The following RNF213 variants were observed in gnomAD, a reference collection of about 807,000 sequenced individuals.
The protein encoded by RNF213 is E3 ubiquitin-protein ligase RNF213.
A neutral mutation model predicts 514.4 loss-of-function variants in RNF213; 341 were observed. That is an observed-to-expected ratio of 0.66 (90% CI 0.61 to 0.73). The LOEUF (loss-of-function observed/expected upper bound fraction) is 0.73. Among genes scored for constraint, RNF213 ranks in the 30% least tolerant of loss-of-function variants. The probability of loss-of-function intolerance (pLI) is 0.00; values close to 1 mark genes in which losing one functional copy is unlikely to be tolerated. For synonymous variants in RNF213, 2,655 were observed against 2,658.2 expected (o/e 1.00, Z 0.04); for missense variants, 5,767 against 6,615.6 (o/e 0.87, Z 4.45).
intron 3 of RNF213, among the ~76,000 whole-genome samples, chr17:80,285,317 G>C (rs777765881): frequency 8.5e-5 from 13 of 152,228 alleles, no homozygotes; most frequent in Admixed American, 2.0e-4. Context: ...GGGTGAGCTG[G>C]ATGGGAACTC....
Position 80,351,732 on chromosome 17 carries a change from G to T in RNF213, c.10232G>T (p.Arg3411Leu), listed in dbSNP as rs926431558. ...AACAAAATACGAGAAAATGAGGACC[G>T]TATCTTCGTCTATTTCATCACAAAA... ...EINKIRENED[R>L]IFVYFITKLS... Residue 3411 changes from arginine to leucine, a missense_variant, in exon 32 of 68, where the codon CGT (arginine) becomes CTT (leucine). Coordinates refer to ENST00000582970, the MANE Select transcript of RNF213 (RefSeq NM_001256071.3). The T allele has an allele frequency of 1.2e-6, 2 of 1,611,960 alleles. No individual in the cohort carries two copies. Among genetic ancestry groups the T allele is most frequent in the African/African-American group, 1.3e-5 (1 of 74,920 alleles).
intron 2 of RNF213, among the ~76,000 whole-genome samples, chr17:80,270,718 T>C (rs2043793192): frequency 6.6e-6 from 1 of 152,160 alleles, no homozygotes; most frequent in Non-Finnish European, 1.5e-5. Context: ...CTTATGATTG[T>C]TGGGACTGTT....
At chr17:80,309,307 C>G (rs1029563572) in intron 14 of RNF213, 136 bp downstream of exon 14, 9 of 1,035,238 alleles carry the variant, frequency 8.7e-6, no homozygotes, top group Non-Finnish European at 8.8e-6. Flanking sequence ...GTGGACATTT[C>G]TTGTGCACCT....
At position 80,385,637 on chromosome 17, in the gene RNF213, C is replaced by T. The variant is rs1158328224; in HGVS notation, c.14539+16C>T. 6.2e-7 allele frequency: 1 copy of T among 1,608,758 alleles called. No homozygotes were observed. ...GAGACGAACGGTTAGTATCCTGTCCCCTGTACCACTAAGCGTTCCAGGAGA... is the reference window on the plus strand; with the variant it reads ...GAGACGAACGGTTAGTATCCTGTCCTCTGTACCACTAAGCGTTCCAGGAGA... On this transcript the variant is annotated intron_variant, in intron 61 of 67. Transcript: ENST00000582970.
chr17:80,353,256 C>T lies in RNF213; in HGVS notation c.10423+197C>T. On this transcript the variant is annotated intron_variant, in intron 33 of 67. Transcript: ENST00000582970. This position sits in a 1 kb window ranked among gnomAD's most constrained non-coding sequence, Gnocchi z 5.0. ...GCCGAGCAGGTGCGCTTACCACAGGCTGAGGTAGAGCTCTGTGAGCAGGCC... is the reference window on the plus strand; with the variant it reads ...GCCGAGCAGGTGCGCTTACCACAGGTTGAGGTAGAGCTCTGTGAGCAGGCC... 1 of 823,690 alleles carries T rather than the reference C, an allele frequency of 1.2e-6. No homozygotes were observed. Among genetic ancestry groups the T allele is most frequent in the African/African-American group, 1.7e-5 (1 of 59,576 alleles). The allele number at this position is 823,690 out of a possible 1,614,324, so 51.0% of individuals were successfully genotyped here. A position where few individuals can be genotyped will look rare whatever the true frequency, so the allele number is the denominator to read the frequency against.
rs1001891567 is a variant in RNF213 at position 80,342,175 on chromosome 17, G to A, written c.5990-957G>A. ...ATGTAGGATGCCCCCATGCTGTCAC[G>A]GCTTGCAGCCCAGGGGCAATGGGCT... On this transcript the variant is annotated intron_variant, in intron 26 of 67. Transcript: ENST00000582970. The A allele has an allele frequency of 2.0e-5, 3 of 152,272 alleles. No homozygotes were observed. In the East Asian group the frequency reaches 5.8e-4, roughly 29 times the overall value. 9.4% of individuals were successfully genotyped at this position (152,272 alleles called of 1,614,324 possible). A position where few individuals can be genotyped will look rare whatever the true frequency, so the allele number is the denominator to read the frequency against.
chr17:80,339,062 G>A, intron 25 of RNF213, 139 bp from the exon 26 acceptor site: 2 of 528,360 alleles, frequency 3.8e-6, no homozygotes, highest in Non-Finnish European at 6.4e-6. Context: ...GATGAGGAGG[G>A]AGGCCTTGTG....
intron 3 of RNF213, among the ~76,000 whole-genome samples, chr17:80,275,089 T>G (rs1598896668): frequency 1.0e-4 from 10 of 98,462 alleles, no homozygotes; most frequent in East Asian, 3.3e-4. Context: ...TGGGGTGTGT[T>G]GGGTGTGTGT....
chr17:80,323,037 C>T (rs948462948), intron 17 of RNF213, among the ~76,000 whole-genome samples: 3 of 152,024 alleles, frequency 2.0e-5, no homozygotes, highest in Non-Finnish European at 2.9e-5. Flanking sequence ...GCCTTTGATC[C>T]ATTTTGAGTT....
intron 11 of RNF213, among the ~76,000 whole-genome samples, chr17:80,300,942 A>G (rs576681710): frequency 6.6e-6 from 1 of 152,266 alleles, no homozygotes; most frequent in Non-Finnish European, 1.5e-5. Context: ...TCTTCTTGTG[A>G]AAAGTGTCTG....
rs116672724 is a variant in RNF213 at position 80,291,885 on chromosome 17, C to T, written c.1471+58C>T. The T allele has an allele frequency of 9.2e-4, 1,443 of 1,573,160 alleles. 13 individuals carry two copies. The African/African-American group carries it at 0.016, about 18-fold the overall frequency. On this transcript the variant is annotated intron_variant, in intron 8 of 67. Coordinates refer to ENST00000582970, the MANE Select transcript of RNF213 (RefSeq NM_001256071.3). ...CTCCGGAGTGCAGGTGCCAATCCCG[C>T]GGTACTGGACGCGTCTCTCTGGAGA...
chr17:80,345,069 G>A lies in RNF213; in HGVS notation c.6734G>A (p.Arg2245Lys), dbSNP rs1479196865. The change falls in exon 29 of 68, where the codon AGG becomes AAG. Residue 2245 changes from arginine to lysine, a missense_variant. Around this residue, in one of 13 missense-constraint regions of RNF213, gnomAD observed 1,377 missense variants for 1,635.2 expected, o/e 0.84. Coordinates refer to ENST00000582970, the MANE Select transcript of RNF213 (RefSeq NM_001256071.3). This position sits in a 1 kb window ranked among gnomAD's most constrained non-coding sequence, Gnocchi z 6.0. ...CCGAGTTTTATTGGCGACACACTGAGGGGCTTCAAGAAGTTCGTGGTGACC... is the reference window on the plus strand; with the variant it reads ...CCGAGTTTTATTGGCGACACACTGAAGGGCTTCAAGAAGTTCGTGGTGACC... ...CNPSFIGDTL[R>K]GFKKFVVTFM... 4 of 1,613,996 alleles carry A rather than the reference G, an allele frequency of 2.5e-6. No homozygotes were observed. Among genetic ancestry groups the A allele is most frequent in the Admixed American group, 3.3e-5 (2 of 59,986 alleles).
At chr17:80,276,477 A>G (rs1245578652) in intron 3 of RNF213, among the ~76,000 whole-genome samples, 1 of 152,100 alleles carries the variant, frequency 6.6e-6, no homozygotes, top group Non-Finnish European at 1.5e-5. Context: ...TGTAGAGTTG[A>G]CACAGAAGAT....
Position 80,317,166 on chromosome 17 carries a change from G to T in RNF213, c.2812-22G>T. On this transcript the variant is annotated intron_variant, in intron 15 of 67. Transcript: ENST00000582970. The surrounding 1 kb of genome is among the most constrained non-coding windows in gnomAD (Gnocchi z 4.1). Reference sequence around the variant, plus strand: ...GGCATTTAGTCGTGAGAGTGGGTGTGACCTGTGTGCGGGTTTTGCAGGTCT... The same window carrying T: ...GGCATTTAGTCGTGAGAGTGGGTGTTACCTGTGTGCGGGTTTTGCAGGTCT... The T allele has an allele frequency of 6.2e-7, 1 of 1,607,932 alleles. No homozygotes were observed. The highest frequency in any genetic ancestry group is 1.1e-5 in the South Asian group (1 of 89,140).
In RNF213 at chr17:80,288,197, G is replaced by A. The variant is rs752840165; in HGVS notation, c.644G>A (p.Gly215Asp). The A allele has an allele frequency of 1.9e-5, 31 of 1,612,756 alleles. No individual in the cohort carries two copies. The South Asian group carries it at 3.0e-4, about 15-fold the overall frequency. Residue 215 changes from glycine (G) to aspartate (D), a missense_variant, in exon 4 of 68, where the codon GGC becomes GAC. By Grantham distance (94) the Gly-to-Asp change is moderately conservative. Transcript: ENST00000582970. The surrounding 1 kb of genome is among the most constrained non-coding windows in gnomAD (Gnocchi z 4.9). Reference protein sequence around the residue: ...QDASIPSGGRGLSQEGTGPPT... With the variant: ...QDASIPSGGRDLSQEGTGPPT... ...GCTTCCATCCCCTCTGGGGGCAGAG[G>A]CCTGTCCCAGGAGGGGACCGGTCCC...
rs2079792335 is a variant in RNF213, at chr17:80,377,112, G to T, written c.13510+149G>T. 2 of 681,518 alleles carry T rather than the reference G, an allele frequency of 2.9e-6. No homozygotes were observed. Among genetic ancestry groups the T allele is most frequent in the Non-Finnish European group, 5.3e-6 (2 of 374,638 alleles). 42.2% of individuals were successfully genotyped at this position (681,518 alleles called of 1,614,324 possible). ...CATTCTACCGGTGGCGTCTGCAGAA[G>T]ACGAATGGCTTGAAGGAGCTGGCAC... On this transcript the variant is annotated intron_variant, in intron 53 of 67. Transcript: ENST00000582970. The surrounding 1 kb of genome is among the most constrained non-coding windows in gnomAD (Gnocchi z 4.1).
rs767085311 is a variant in RNF213 at position 80,376,274 on chromosome 17, CTTAATG to C, written c.13186-22_13186-17del. ...ATTCACACAATATTCTTTGATACAT[CTTAATG>C]TTAAGTTTTTTTCCTGTCAGCAATG... On this transcript the variant is annotated intron_variant, in intron 51 of 67. Transcript: ENST00000582970. 4.5e-5 allele frequency: 72 copies of C among 1,613,388 alleles called. 1 individual carries two copies. The East Asian group carries it at 1.0e-3, about 23-fold the overall frequency.
In RNF213 at chr17:80,295,743, C is replaced by G; in HGVS notation, c.1942C>G (p.Leu648Val). The G allele has an allele frequency of 6.2e-7, 1 of 1,614,194 alleles. No homozygotes were observed. Among genetic ancestry groups the G allele is most frequent in the Non-Finnish European group, 8.5e-7 (1 of 1,180,024 alleles). The change falls in exon 10 of 68, where the codon CTA becomes GTA. Residue 648 changes from leucine (L) to valine (V), a missense_variant. Leu to Val is a conservative substitution (Grantham distance 32, BLOSUM62 1). Coordinates refer to ENST00000582970, the MANE Select transcript of RNF213 (RefSeq NM_001256071.3). ...EGSLDWLCHL[L>V]TSDASSPDEF... ...CAGCCTGGACTGGTTGTGTCACCTC[C>G]TAACCTCAGATGCCAGCTCACCAGA...
Position 80,264,580 on chromosome 17 carries a change from C to G in RNF213, c.97+802C>G, listed in dbSNP as rs1028233094. On this transcript the variant is annotated intron_variant, in intron 2 of 67. Coordinates refer to ENST00000582970, the MANE Select transcript of RNF213 (RefSeq NM_001256071.3). The surrounding 1 kb of genome is among the most constrained non-coding windows in gnomAD (Gnocchi z 5.0). ...CCACTGGTGAGGGCACCTCATTCTT[C>G]CAGCTGCTTCTATCGGACCCATCAC... Among the ~76,000 whole-genome samples, 1 of 152,140 alleles carries G rather than the reference C, an allele frequency of 6.6e-6. No homozygotes were observed. The highest frequency in any genetic ancestry group is 2.4e-5 in the African/African-American group (1 of 41,430).
Sources: allele counts gnomAD v4.1 joint callset (sites outside exome capture counted in the v4.1 genomes callset), GRCh38; gene constraint gnomAD v4.1.1; regional missense constraint gnomAD v4.1.1; non-coding constraint Gnocchi (gnomAD v3.1); transcripts MANE v1.5; gene names NCBI Gene and HGNC (gene_info 2026-07-23, HGNC 2026-07-21).